GTF3C4: variants seen among roughly 807,000 people sequenced by gnomAD.
GTF3C4 encodes the protein general transcription factor IIIC subunit 4.
GTF3C4 carries 28 observed loss-of-function variants against 67.5 expected under a neutral mutation model. The observed-to-expected ratio is 0.41, with a 90% CI of 0.31 to 0.57. The LOEUF (loss-of-function observed/expected upper bound fraction) is 0.57, where lower values mean the gene tolerates loss of function less well. Ranked by LOEUF, GTF3C4 falls within the 20% of genes least tolerant of loss-of-function variation. The pLI is 0.21. For synonymous variants in GTF3C4, 409 were observed against 393.0 expected, an observed-to-expected ratio of 1.04 and a Z score of -0.48; for missense variants, 831 against 1,033.2, an observed-to-expected ratio of 0.80 and a Z score of 2.68.
rs1333138243 is a variant in GTF3C4 at position 132,678,276 on chromosome 9, C to T, written c.657C>T (p.Thr219=). Residue 219 remains threonine (T), a synonymous_variant, in exon 2 of 5, where the codon ACC becomes ACT. Transcript: ENST00000372146. This position sits in a 1 kb window ranked among gnomAD's most constrained non-coding sequence, Gnocchi z 6.5. ...TCTATGGAGAACGTCTTTATGAGACCAGTTACAGGCTCTCTAAAAATGAGG... is the reference window on the plus strand; with the variant it reads ...TCTATGGAGAACGTCTTTATGAGACTAGTTACAGGCTCTCTAAAAATGAGG... ...TEIYGERLYE[T]SYRLSKNEAP... is the part of the protein sequence containing the mutation. 2.5e-6 allele frequency: 4 copies of T among 1,614,116 alleles called. No homozygotes were observed. Among genetic ancestry groups the T allele is most frequent in the Non-Finnish European group, 3.4e-6 (4 of 1,180,022 alleles).
At chr9:132,681,965 GTAAAA>G (rs564793769) in intron 2 of GTF3C4, among the ~76,000 whole-genome samples, 1 of 41,970 alleles carries the variant, frequency 2.4e-5, no homozygotes, top group African/African-American at 8.3e-5. Flanking sequence ...TCTACATAAA[GTAAAA>G]AAAAAAAAAA....
At chr9:132,680,077 G>A (rs1835918548) in intron 2 of GTF3C4, among the ~76,000 whole-genome samples, 2 of 152,126 alleles carry the variant, frequency 1.3e-5, no homozygotes, top group African/African-American at 4.8e-5. Flanking sequence ...TAGCTCAGAG[G>A]CTGCATTTAG....
intron 1 of GTF3C4, 28 bp from the exon 2 acceptor site, chr9:132,677,949 T>C: frequency 1.3e-6 from 2 of 1,553,156 alleles, no homozygotes; most frequent in Non-Finnish European, 8.7e-7. Flanking sequence ...AATGCTCATC[T>C]GATAGTTTTT....
At chr9:132,687,205 C>T (rs2130902568) in intron 3 of GTF3C4, 34 bp from the exon 4 acceptor site, 1 of 1,185,574 alleles carries the variant, frequency 8.4e-7, no homozygotes, top group Non-Finnish European at 1.3e-6. Flanking sequence ...AGAGCAAACC[C>T]TCTCCCTTGC....
intron 2 of GTF3C4, among the ~76,000 whole-genome samples, chr9:132,682,844 T>G (rs1375238185): frequency 1.3e-5 from 2 of 152,152 alleles, no homozygotes; most frequent in Non-Finnish European, 2.9e-5. Flanking sequence ...CCTCAAGTGA[T>G]CCACCCGCCT....
rs1423466359 is a variant in GTF3C4, at chr9:132,692,252, A to G, written c.*3307A>G. 1.3e-5 allele frequency: 2 copies of G among 152,234 alleles called. No individual in the cohort carries two copies. Among genetic ancestry groups the G allele is most frequent in the Non-Finnish European group, 2.9e-5 (2 of 68,038 alleles). 9.4% of individuals were successfully genotyped at this position (152,234 alleles called of 1,614,324 possible). On this transcript the variant is annotated 3_prime_UTR_variant, in exon 5 of 5. Coordinates refer to ENST00000372146, the MANE Select transcript of GTF3C4 (RefSeq NM_012204.4). ...ACATGTTGGAAAGAAAAATGGATTA[A>G]TGGTAAAATTTCTAAAAGCTAAATT...
intron 1 of GTF3C4, among the ~76,000 whole-genome samples, chr9:132,675,135 A>G (rs576022278): frequency 2.6e-5 from 4 of 152,298 alleles, no homozygotes; most frequent in African/African-American, 9.6e-5. Flanking sequence ...TAACCTTCCT[A>G]ACTTTCTGGG....
At chr9:132,671,966 G>A (rs542609502) in intron 1 of GTF3C4, among the ~76,000 whole-genome samples, 1 of 152,176 alleles carries the variant, frequency 6.6e-6, no homozygotes, top group Non-Finnish European at 1.5e-5. Context: ...TTGAAAATAT[G>A]AGTCATTAGC....
At chr9:132,680,179 G>C (rs930148594) in intron 2 of GTF3C4, among the ~76,000 whole-genome samples, 1 of 152,058 alleles carries the variant, frequency 6.6e-6, no homozygotes. Flanking sequence ...GTATGGGAGG[G>C]GTGTAGTGAC....
rs1590141586 is a variant in GTF3C4, at chr9:132,690,550, A to T, written c.*1605A>T. 7.8e-6 allele frequency: 1 copy of T among 128,034 alleles called. No individual in the cohort carries two copies. Among genetic ancestry groups the T allele is most frequent in the Non-Finnish European group, 1.5e-5 (1 of 65,386 alleles). The allele number at this position is 128,034 out of a possible 1,614,324, so 7.9% of individuals were successfully genotyped here. On this transcript the variant is annotated 3_prime_UTR_variant, in exon 5 of 5. Coordinates refer to ENST00000372146, the MANE Select transcript of GTF3C4 (RefSeq NM_012204.4). ...CAGACCAGCCCTTGGAGGCACTTCT[A>T]AACAGTCTGCTCAGAAATGTTTTCT...
rs144693888 is a variant in GTF3C4, at chr9:132,670,926, C to A, written c.328C>A (p.Pro110Thr). 2 of 1,611,764 alleles carry A rather than the reference C, an allele frequency of 1.2e-6. No individual in the cohort carries two copies. The highest frequency in any genetic ancestry group is 1.7e-4 in the Middle Eastern group (1 of 6,060). The change falls in exon 1 of 5, where the codon CCC becomes ACC. Residue 110 changes from proline (P) to threonine (T), a missense_variant. By Grantham distance (38) the Pro-to-Thr change is conservative. Around this residue, in one of 4 missense-constraint regions of GTF3C4, gnomAD observed 237 missense variants for 212.7 expected, o/e 1.11. Coordinates refer to ENST00000372146, the MANE Select transcript of GTF3C4 (RefSeq NM_012204.4). ...CCTGGTTATCCACCGCACCTCGGTGCCCGCACCGCTCAACAGCTGTCTCCT... is the reference window on the plus strand; with the variant it reads ...CCTGGTTATCCACCGCACCTCGGTGACCGCACCGCTCAACAGCTGTCTCCT... ...QDLVIHRTSV[P>T]APLNSCLLKV...
Position 132,679,178 on chromosome 9 carries a change from A to C in GTF3C4, c.1559A>C (p.Glu520Ala). The part of the protein sequence containing the change: ...VQFVTLKTFE[E>A]AAAQLLESSV... ...TTTGTTACTCTCAAAACCTTTGAAG[A>C]GGCAGCTGCTCAGCTCCTGGAATCT... Residue 520 changes from glutamate (E) to alanine (A), a missense_variant, in exon 2 of 5, where the codon GAG (glutamate) becomes GCG (alanine). Around this residue, in one of 4 missense-constraint regions of GTF3C4, gnomAD observed 390 missense variants for 540.3 expected, o/e 0.72. Coordinates refer to ENST00000372146, the MANE Select transcript of GTF3C4 (RefSeq NM_012204.4). This position sits in a 1 kb window ranked among gnomAD's most constrained non-coding sequence, Gnocchi z 5.9. 1.9e-6 allele frequency: 3 copies of C among 1,614,196 alleles called. No individual in the cohort carries two copies. Among genetic ancestry groups the C allele is most frequent in the Non-Finnish European group, 2.5e-6 (3 of 1,180,026 alleles).
intron 1 of GTF3C4, among the ~76,000 whole-genome samples, chr9:132,671,640 A>G (rs1835766296): frequency 6.6e-6 from 1 of 152,206 alleles, no homozygotes; most frequent in South Asian, 2.1e-4. Flanking sequence ...AGTAAGCCAT[A>G]GCGTTCCTTT....
In GTF3C4 at chr9:132,689,055, A is replaced by C; in HGVS notation, c.*110A>C. ...GGAAGCCGGACCCTCACGAGTGGAG[A>C]GAAGTCCTTGGTGATTGTAAAGAGG... is the stretch of plus-strand genomic sequence containing the variant. On this transcript the variant is annotated 3_prime_UTR_variant, in exon 5 of 5. Coordinates refer to ENST00000372146, the MANE Select transcript of GTF3C4 (RefSeq NM_012204.4). 1.3e-6 allele frequency: 1 copy of C among 788,086 alleles called. No individual in the cohort carries two copies. Among genetic ancestry groups the C allele is most frequent in the East Asian group, 2.5e-5 (1 of 39,262 alleles). The allele number at this position is 788,086 out of a possible 1,614,324, so 48.8% of individuals were successfully genotyped here.
At position 132,691,168 on chromosome 9, in the gene GTF3C4, C is replaced by G. The variant is rs1480369617; in HGVS notation, c.*2223C>G. ...CCCAGTTGGAAGGCCTTTCCCTGCCCTTGTCCCTGTCTCACACCCATGGAG... is the reference window on the plus strand; with the variant it reads ...CCCAGTTGGAAGGCCTTTCCCTGCCGTTGTCCCTGTCTCACACCCATGGAG... On this transcript the variant is annotated 3_prime_UTR_variant, in exon 5 of 5. Transcript: ENST00000372146. The G allele has an allele frequency of 6.6e-6, 1 of 152,238 alleles. No individual in the cohort carries two copies. Among genetic ancestry groups the G allele is most frequent in the Admixed American group, 6.5e-5 (1 of 15,270 alleles). 9.4% of individuals were successfully genotyped at this position (152,238 alleles called of 1,614,324 possible).
chr9:132,681,221 A>G lies in GTF3C4; in HGVS notation c.2184+1418A>G, dbSNP rs566472741. The stretch of plus-strand genomic sequence containing the variant: ...TTATTATAAGAGTCAGTGAAAAATT[A>G]GCAAAAACATGTTAGAAAGTACTAG... On this transcript the variant is annotated intron_variant, in intron 2 of 4. Coordinates refer to ENST00000372146, the MANE Select transcript of GTF3C4 (RefSeq NM_012204.4). Among the ~76,000 whole-genome samples, 5 of 152,386 alleles carry G rather than the reference A, an allele frequency of 3.3e-5. No homozygotes were observed. In the South Asian group the frequency reaches 8.3e-4, roughly 25 times the overall value.
At chr9:132,681,701 A>G (rs1418039103) in intron 2 of GTF3C4, among the ~76,000 whole-genome samples, 1 of 152,152 alleles carries the variant, frequency 6.6e-6, no homozygotes, top group Non-Finnish European at 1.5e-5. Flanking sequence ...CCAAGAACTA[A>G]TATTTGCTGC....
chr9:132,685,687 T>C (rs1296732352), intron 3 of GTF3C4, among the ~76,000 whole-genome samples: 1 of 152,186 alleles, frequency 6.6e-6, no homozygotes, highest in Non-Finnish European at 1.5e-5. Context: ...TTCAGACTTT[T>C]TAAGAGAAAA....
chr9:132,685,332 A>C (rs1272954625), intron 3 of GTF3C4, among the ~76,000 whole-genome samples: 1 of 151,982 alleles, frequency 6.6e-6, no homozygotes, highest in Admixed American at 6.6e-5. Flanking sequence ...AATTTTTAAC[A>C]AGATTGTGCT....
Sources: allele counts gnomAD v4.1 joint callset (sites outside exome capture counted in the v4.1 genomes callset), GRCh38; gene constraint gnomAD v4.1.1; regional missense constraint gnomAD v4.1.1; non-coding constraint Gnocchi (gnomAD v3.1); transcripts MANE v1.5; gene names NCBI Gene and HGNC (gene_info 2026-07-23, HGNC 2026-07-21).